NALF1: variants seen among roughly 807,000 people sequenced by gnomAD.
NALF1 encodes family with sequence similarity 155 member A.
A neutral mutation model predicts 48.4 loss-of-function variants in NALF1; 3 were observed. The ratio of observed to expected loss-of-function variants is 0.06; its 90% CI spans 0.03 to 0.16. The LOEUF (loss-of-function observed/expected upper bound fraction) is 0.16, where lower values mean the gene tolerates loss of function less well. NALF1 is among the 10% of genes least tolerant of loss of function. NALF1 has a pLI of 1.00. For missense variants in NALF1, 526 were observed against 571.5 expected (o/e 0.92, Z 0.81); for synonymous variants, 262 against 245.7 (o/e 1.07, Z -0.62).
intron 1 of NALF1, among the ~76,000 whole-genome samples, chr13:107,768,197 C>T (rs1877470973): frequency 6.6e-6 from 1 of 152,100 alleles, no homozygotes; most frequent in Non-Finnish European, 1.5e-5. Flanking sequence ...TGAAATGAGA[C>T]AATACATGCA....
chr13:107,325,244 TTAAAA>T (rs910079220), intron 1 of NALF1, among the ~76,000 whole-genome samples: 2 of 152,088 alleles, frequency 1.3e-5, no homozygotes, highest in African/African-American at 4.8e-5. Context: ...AAAAATAAAA[TTAAAA>T]TAATACAAAT....
chr13:107,372,356 T>G (rs1294700890), intron 1 of NALF1, among the ~76,000 whole-genome samples: 1 of 152,238 alleles, frequency 6.6e-6, no homozygotes, highest in Admixed American at 6.5e-5. Flanking sequence ...CAATTAAAAC[T>G]TCTATGGGAC....
At chr13:107,664,541 C>G (rs1270860008) in intron 1 of NALF1, among the ~76,000 whole-genome samples, 1 of 152,140 alleles carries the variant, frequency 6.6e-6, no homozygotes, top group African/African-American at 2.4e-5. Flanking sequence ...CTTATCTGAT[C>G]TGCCTTCCTC....
At chr13:107,513,627 T>C (rs947838152) in intron 1 of NALF1, among the ~76,000 whole-genome samples, 1 of 152,164 alleles carries the variant, frequency 6.6e-6, no homozygotes, top group South Asian at 2.1e-4. Flanking sequence ...CCTAGATCAA[T>C]GGTGGGGTTC....
At chr13:107,400,259 T>TA in intron 1 of NALF1, among the ~76,000 whole-genome samples, 1 of 152,308 alleles carries the variant, frequency 6.6e-6, no homozygotes, top group African/African-American at 2.4e-5. Context: ...TAATTATTTT[T>TA]AAAAATAGTA....
intron 1 of NALF1, among the ~76,000 whole-genome samples, chr13:107,433,075 C>T (rs1884408532): frequency 6.6e-6 from 1 of 152,050 alleles, no homozygotes; most frequent in Non-Finnish European, 1.5e-5. Context: ...CTGACCTTAT[C>T]CAGAAATTTG....
intron 1 of NALF1, among the ~76,000 whole-genome samples, chr13:107,750,628 A>G (rs934555408): frequency 6.6e-6 from 1 of 152,106 alleles, no homozygotes; most frequent in African/African-American, 2.4e-5. Flanking sequence ...AAACAAACCC[A>G]CAAGTCATGA....
At chr13:107,345,228 C>T (rs375322292) in intron 1 of NALF1, among the ~76,000 whole-genome samples, 14 of 151,982 alleles carry the variant, frequency 9.2e-5, no homozygotes, top group Non-Finnish European at 1.8e-4. Flanking sequence ...AATGTTTATA[C>T]GACTCAAAGC....
chr13:107,828,565 T>TTCTTTCTA (rs1566498015), intron 1 of NALF1, among the ~76,000 whole-genome samples: 1 of 135,844 alleles, frequency 7.4e-6, no homozygotes, highest in Non-Finnish European at 1.6e-5. Flanking sequence ...TCATATTAAA[T>TTCTTTCTA]TCTATCTATC....
intron 1 of NALF1, among the ~76,000 whole-genome samples, chr13:107,792,586 A>G (rs184417627): frequency 2.2e-4 from 34 of 152,302 alleles, no homozygotes; most frequent in Non-Finnish European, 4.3e-4. Flanking sequence ...CTCTGACATT[A>G]AATTGCCAAA....
chr13:107,545,017 C>A lies in NALF1; in HGVS notation c.915+320665G>T, dbSNP rs12584359. 0.024 allele frequency among the ~76,000 whole-genome samples: 3,722 copies of A among 152,176 alleles called. 410 individuals carry two copies. The East Asian group carries it at 0.37, about 15-fold the overall frequency. ...AAGGAACACACACAGTTTTGTTCTG[C>A]GTTATGGGCTAAGTTGCCCCCTCAA... is the stretch of plus-strand genomic sequence containing the variant. On this transcript the variant is annotated intron_variant, in intron 1 of 2. Coordinates refer to ENST00000375915, the MANE Select transcript of NALF1 (RefSeq NM_001080396.3).
At chr13:107,861,610 C>A (rs1428187428) in intron 1 of NALF1, among the ~76,000 whole-genome samples, 1 of 152,282 alleles carries the variant, frequency 6.6e-6, no homozygotes, top group East Asian at 1.9e-4. Flanking sequence ...TGATGAAACA[C>A]CATCTCTATG....
chr13:107,854,746 C>T (rs899651306), intron 1 of NALF1, among the ~76,000 whole-genome samples: 6 of 151,884 alleles, frequency 4.0e-5, no homozygotes, highest in Admixed American at 6.6e-5. Flanking sequence ...CGGTGGTGTG[C>T]ACCTGTAATC....
intron 1 of NALF1, among the ~76,000 whole-genome samples, chr13:107,693,147 C>A (rs1181947756): frequency 6.6e-6 from 1 of 152,172 alleles, no homozygotes; most frequent in African/African-American, 2.4e-5. Context: ...TCTCCACATT[C>A]TCTCCAGCAT....
chr13:107,717,933 C>T (rs1033791284), intron 1 of NALF1, among the ~76,000 whole-genome samples: 2 of 152,134 alleles, frequency 1.3e-5, no homozygotes, highest in Admixed American at 1.3e-4. Flanking sequence ...ATCCCCAACT[C>T]GCTGGTCCAC....
intron 1 of NALF1, among the ~76,000 whole-genome samples, chr13:107,304,403 T>G (rs950380702): frequency 6.6e-6 from 1 of 152,206 alleles, no homozygotes; most frequent in African/African-American, 2.4e-5. Context: ...ACAGACAGCA[T>G]AGTAAGTGCA....
chr13:107,369,713 T>C (rs1387684302), intron 1 of NALF1, among the ~76,000 whole-genome samples: 1 of 152,166 alleles, frequency 6.6e-6, no homozygotes, highest in East Asian at 1.9e-4. Context: ...CCAAATGTTA[T>C]ACAGTTTTTA....
At chr13:107,774,989 C>G (rs1877684102) in intron 1 of NALF1, among the ~76,000 whole-genome samples, 1 of 152,130 alleles carries the variant, frequency 6.6e-6, no homozygotes, top group African/African-American at 2.4e-5. Context: ...TCACTGAGAT[C>G]AGAAACACAA....
rs758932554 is a variant in NALF1, at chr13:107,866,309, C to T, written c.288G>A (p.Arg96=). The T allele has an allele frequency of 1.9e-6, 3 of 1,607,954 alleles. No homozygotes were observed. The highest frequency in any genetic ancestry group is 2.5e-6 in the Non-Finnish European group (3 of 1,178,830). The change falls in exon 1 of 3, where the codon CGG becomes CGA. Residue 96 remains arginine (R), a synonymous_variant. Coordinates refer to ENST00000375915, the MANE Select transcript of NALF1 (RefSeq NM_001080396.3). This position sits in a 1 kb window ranked among gnomAD's most constrained non-coding sequence, Gnocchi z 4.4. ...QRQRQQQQQQ[R]RQQEPSWPAL... The stretch of plus-strand genomic sequence containing the variant: ...CGGGCCAGGAGGGCTCCTGCTGCCG[C>T]CGCTGCTGCTGCTGCTGCTGCCGCT...
Sources: gnomAD v4.1 joint callset for allele counts (sites outside exome capture counted in the v4.1 genomes callset) on GRCh38, gnomAD v4.1.1 for gene constraint, Gnocchi (gnomAD v3.1) non-coding constraint, MANE v1.5 for transcripts, NCBI Gene and HGNC (gene_info 2026-07-23, HGNC 2026-07-21) for gene names.